CADM2: variants seen among roughly 807,000 people sequenced by gnomAD.
The protein encoded by CADM2 is immunoglobulin superfamily member 4D.
In CADM2, 12 loss-of-function variants were observed where a neutral mutation model predicts 49.8. The observed-to-expected ratio is 0.24, with a 90% CI of 0.15 to 0.39. The LOEUF is 0.39. CADM2 is among the 10% of genes least tolerant of loss of function. The pLI, the probability that CADM2 is intolerant of heterozygous loss-of-function variation, is 1.00. For missense variants in CADM2, 378 were observed against 492.3 expected, an observed-to-expected ratio of 0.77 and a Z score of 2.20; for synonymous variants, 214 against 175.4, an observed-to-expected ratio of 1.22 and a Z score of -1.74.
chr3:85,164,681 T>C (rs1481934688), intron 1 of CADM2, among the ~76,000 whole-genome samples: 2 of 151,996 alleles, frequency 1.3e-5, no homozygotes, highest in Non-Finnish European at 2.9e-5. Flanking sequence ...CTGTGTTTCT[T>C]TTAGAATGAG....
intron 2 of CADM2, among the ~76,000 whole-genome samples, chr3:85,743,713 A>C (rs948337622): frequency 1.3e-5 from 2 of 152,216 alleles, no homozygotes; most frequent in Non-Finnish European, 2.9e-5. Context: ...TCATACACTG[A>C]ATAGCGCAAA....
intron 8 of CADM2, among the ~76,000 whole-genome samples, chr3:86,016,128 A>G (rs1732191804): frequency 6.6e-6 from 1 of 152,140 alleles, no homozygotes; most frequent in Non-Finnish European, 1.5e-5. Flanking sequence ...AACTCATGTC[A>G]GTCTTTTGAT....
At chr3:85,533,686 T>G (rs1016109617) in intron 1 of CADM2, among the ~76,000 whole-genome samples, 1 of 152,136 alleles carries the variant, frequency 6.6e-6, no homozygotes, top group Non-Finnish European at 1.5e-5. Context: ...ACAGAGCGAA[T>G]AGGGCATGAA....
In CADM2 at chr3:86,002,207, T is replaced by C. The variant is rs1462309466; in HGVS notation, c.970+40560T>C. Among the ~76,000 whole-genome samples, 3 of 152,162 alleles carry C rather than the reference T, an allele frequency of 2.0e-5. No individual in the cohort carries two copies. In the South Asian group the frequency reaches 6.2e-4, roughly 31 times the overall value. ...TAGATAGGGTGTATTTTATCAAGCC[T>C]GCATTTGCCTGGTGAGCTGTCTATA... On this transcript the variant is annotated intron_variant, in intron 8 of 9. Coordinates refer to ENST00000383699, the MANE Select transcript of CADM2 (RefSeq NM_001167675.2).
intron 8 of CADM2, among the ~76,000 whole-genome samples, 179 bp from the exon 9 acceptor site, chr3:86,065,426 G>T (rs1045415234): frequency 6.6e-6 from 1 of 152,150 alleles, no homozygotes; most frequent in South Asian, 2.1e-4. Context: ...TATATCAAAT[G>T]TTATATCCCC....
chr3:85,381,716 C>T (rs2107356997), intron 1 of CADM2, among the ~76,000 whole-genome samples: 1 of 151,910 alleles, frequency 6.6e-6, no homozygotes, highest in Non-Finnish European at 1.5e-5. Flanking sequence ...TATTGAGCTC[C>T]TCAGTTTCAG....
At chr3:85,181,259 T>G (rs1440292595) in intron 1 of CADM2, among the ~76,000 whole-genome samples, 1 of 152,150 alleles carries the variant, frequency 6.6e-6, no homozygotes, top group African/African-American at 2.4e-5. Flanking sequence ...TGACTAAAGA[T>G]CTTTAAAAAT....
intron 1 of CADM2, among the ~76,000 whole-genome samples, chr3:85,346,919 G>C (rs1352116552): frequency 6.6e-6 from 1 of 152,042 alleles, no homozygotes; most frequent in Non-Finnish European, 1.5e-5. Flanking sequence ...GTGAAAAAAA[G>C]CATGATGTAT....
intron 1 of CADM2, among the ~76,000 whole-genome samples, chr3:85,335,478 T>TA (rs1475781250): frequency 6.6e-6 from 1 of 151,560 alleles, no homozygotes; most frequent in Non-Finnish European, 1.5e-5. Flanking sequence ...TGTACAGTGT[T>TA]ATGTGTCAAT....
intron 1 of CADM2, among the ~76,000 whole-genome samples, chr3:85,530,620 C>T (rs1284200150): frequency 1.3e-5 from 2 of 151,946 alleles, no homozygotes; most frequent in Admixed American, 6.6e-5. Context: ...TGAGCCACTG[C>T]GCCCGGCCCA....
At chr3:85,734,675 G>A (rs1327263416) in intron 2 of CADM2, among the ~76,000 whole-genome samples, 1 of 144,594 alleles carries the variant, frequency 6.9e-6, no homozygotes, top group Admixed American at 7.0e-5. Flanking sequence ...AATATAATAT[G>A]TATATTTTAA....
At chr3:85,223,596 ATTTTTAT>A (rs1290514577) in intron 1 of CADM2, among the ~76,000 whole-genome samples, 1 of 151,910 alleles carries the variant, frequency 6.6e-6, no homozygotes, top group African/African-American at 2.4e-5. Context: ...TTTATGTTTT[ATTTTTAT>A]TTTTTATTTT....
intron 1 of CADM2, among the ~76,000 whole-genome samples, chr3:85,340,328 A>G (rs1211041710): frequency 4.0e-5 from 6 of 151,524 alleles, no homozygotes; most frequent in Admixed American, 3.3e-4. Flanking sequence ...ATTTATAAAC[A>G]CATACTGTTC....
intron 1 of CADM2, among the ~76,000 whole-genome samples, chr3:85,002,548 A>C (rs1033783018): frequency 9.2e-5 from 14 of 152,162 alleles, no homozygotes; most frequent in African/African-American, 3.1e-4. Context: ...TCAACTATGG[A>C]TTACTTAGAA....
At chr3:85,049,828 T>A (rs754171427) in intron 1 of CADM2, among the ~76,000 whole-genome samples, 4 of 152,128 alleles carry the variant, frequency 2.6e-5, no homozygotes, top group Non-Finnish European at 4.4e-5. Flanking sequence ...GATAGATAAT[T>A]AAATTCTCAT....
chr3:86,025,211 A>G (rs914902015), intron 8 of CADM2, among the ~76,000 whole-genome samples: 3 of 151,822 alleles, frequency 2.0e-5, no homozygotes, highest in Admixed American at 1.3e-4. Flanking sequence ...GCCCGCCACC[A>G]CGCCAGCCTA....
chr3:85,097,466 G>A (rs1397655844), intron 1 of CADM2, among the ~76,000 whole-genome samples: 1 of 152,130 alleles, frequency 6.6e-6, no homozygotes, highest in Non-Finnish European at 1.5e-5. Context: ...ACATATGTGG[G>A]CATGTGTCTT....
intron 1 of CADM2, among the ~76,000 whole-genome samples, chr3:85,408,940 TA>T (rs948639938): frequency 5.3e-5 from 8 of 151,522 alleles, no homozygotes; most frequent in South Asian, 2.1e-4. Flanking sequence ...TGGCTTAATC[TA>T]AAAAAAAACT....
chr3:85,184,432 A>T (rs370275625), intron 1 of CADM2, among the ~76,000 whole-genome samples: 47 of 152,190 alleles, frequency 3.1e-4, no homozygotes, highest in African/African-American at 1.1e-3. Flanking sequence ...TCCTTTTTGA[A>T]ATGAAAATAT....
Sources: allele counts gnomAD v4.1 joint callset (sites outside exome capture counted in the v4.1 genomes callset), GRCh38; gene constraint gnomAD v4.1.1; transcripts MANE v1.5; gene names NCBI Gene and HGNC (gene_info 2026-07-23, HGNC 2026-07-21).